The following ABCE1 variants were observed in gnomAD, a reference collection of about 807,000 sequenced individuals.
ABCE1 encodes ATP binding cassette subfamily E member 1, also known as ATP-binding cassette sub-family E member 1.
A neutral mutation model predicts 83.4 loss-of-function variants in ABCE1; 22 were observed. The ratio of observed to expected loss-of-function variants is 0.26; its 90% CI spans 0.19 to 0.38. ABCE1 has a LOEUF of 0.38. Ranked by LOEUF, ABCE1 falls within the 10% of genes least tolerant of loss-of-function variation. ABCE1 has a pLI of 1.00. For missense variants in ABCE1, 330 were observed against 721.9 expected (o/e 0.46, Z 6.22); for synonymous variants, 204 against 233.7 (o/e 0.87, Z 1.16).
intron 4 of ABCE1, 50 bp from the exon 5 acceptor site, chr4:145,109,082 T>A: frequency 7.6e-7 from 1 of 1,321,756 alleles, no homozygotes; most frequent in Non-Finnish European, 1.1e-6. Context: ...TTATGTGGCT[T>A]TTTCTGTGTA....
chr4:145,109,498 C>A (rs148851976), intron 5 of ABCE1, among the ~76,000 whole-genome samples: 3 of 152,212 alleles, frequency 2.0e-5, no homozygotes, highest in Non-Finnish European at 4.4e-5. Flanking sequence ...GTATTACACA[C>A]GTTTCTATTT....
chr4:145,121,148 C>A (rs958632493), intron 11 of ABCE1, 26 bp from the exon 12 acceptor site: 2 of 1,611,072 alleles, frequency 1.2e-6, no homozygotes, highest in South Asian at 1.1e-5. Context: ...TCTTTCAGAT[C>A]AAACTGTCAT....
intron 1 of ABCE1, among the ~76,000 whole-genome samples, chr4:145,103,839 G>A (rs1315805260): frequency 3.4e-5 from 5 of 148,752 alleles, no homozygotes; most frequent in Non-Finnish European, 7.4e-5. Context: ...TCAGCTCACT[G>A]TAACCTCCAC....
chr4:145,129,435 A>T lies in ABCE1; in HGVS notation c.*1862A>T, dbSNP rs1439973892. Reference sequence around the variant, plus strand: ...TAATTGGAAAAAGTCTCAAATACTTAAAAAAACAAAAAACTGGAACAGTTT... The same window carrying T: ...TAATTGGAAAAAGTCTCAAATACTTTAAAAAACAAAAAACTGGAACAGTTT... On this transcript the variant is annotated 3_prime_UTR_variant, in exon 18 of 18. Coordinates refer to ENST00000296577, the MANE Select transcript of ABCE1 (RefSeq NM_002940.3). Among the ~76,000 whole-genome samples the T allele has an allele frequency of 6.6e-6, 1 of 152,138 alleles. No homozygotes were observed. The highest frequency in any genetic ancestry group is 2.4e-5 in the African/African-American group (1 of 41,422).
At position 145,123,311 on chromosome 4, in the gene ABCE1, T is replaced by C. The variant is rs770384756; in HGVS notation, c.1471T>C (p.Tyr491His). 1.2e-6 allele frequency: 2 copies of C among 1,612,060 alleles called. No homozygotes were observed. Among genetic ancestry groups the C allele is most frequent in the Non-Finnish European group, 1.7e-6 (2 of 1,179,414 alleles). Reference protein sequence around the residue: ...DVYLIDEPSAYLDSEQRLMAA... With the variant: ...DVYLIDEPSAHLDSEQRLMAA... ...CTATTTAATTGATGAACCATCTGCA[T>C]ATTTGGATTCTGAGCAAAGACTGAT... The change falls in exon 15 of 18, where the codon TAT (tyrosine) becomes CAT (histidine). Residue 491 changes from tyrosine to histidine, a missense_variant. Tyr to His is a moderately conservative substitution (Grantham distance 83). Transcript: ENST00000296577.
rs1039000677 is a variant in ABCE1, at chr4:145,129,325, A to G, written c.*1752A>G. The G allele has an allele frequency of 1.2e-4, 18 of 152,298 alleles. No homozygotes were observed. Among genetic ancestry groups the G allele is most frequent in the African/African-American group, 4.1e-4 (17 of 41,562 alleles). 9.4% of individuals were successfully genotyped at this position (152,298 alleles called of 1,614,324 possible). On this transcript the variant is annotated 3_prime_UTR_variant, in exon 18 of 18. Transcript: ENST00000296577. ...TTACATAGCAACAGAAAGGCCTACA[A>G]TTGCTAACACAAGAAAAATACTTAT...
chr4:145,115,324 G>A (rs555805051), intron 9 of ABCE1, among the ~76,000 whole-genome samples: 1 of 151,950 alleles, frequency 6.6e-6, no homozygotes, highest in South Asian at 2.1e-4. Context: ...CCCTCACACT[G>A]GCTGTTTAAG....
intron 13 of ABCE1, chr4:145,122,274 A>G (rs904592311): frequency 1.3e-5 from 2 of 152,228 alleles, no homozygotes; most frequent in Non-Finnish European, 2.9e-5. Flanking sequence ...GATGCTCTCT[A>G]TAAGCTTAGC....
chr4:145,110,495 G>T (rs1387088392), intron 7 of ABCE1, 51 bp downstream of exon 7: 3 of 1,567,140 alleles, frequency 1.9e-6, no homozygotes, highest in Non-Finnish European at 2.6e-6. Flanking sequence ...TATTTTTTGA[G>T]ACGGAGTTTC....
At chr4:145,122,693 TC>T (rs1749776347) in intron 13 of ABCE1, 1 of 175,814 alleles carries the variant, frequency 5.7e-6, no homozygotes, top group East Asian at 1.5e-4. Flanking sequence ...TGCCTGTAGT[TC>T]CAGCTCCTCT....
chr4:145,121,129 C>A (rs775543828), intron 11 of ABCE1, 45 bp from the exon 12 acceptor site: 1 of 1,594,092 alleles, frequency 6.3e-7, no homozygotes, highest in African/African-American at 1.3e-5. Flanking sequence ...TTACTTTAAA[C>A]GTCAAGCATC....
At chr4:145,118,942 G>A (rs994155522) in intron 10 of ABCE1, among the ~76,000 whole-genome samples, 18 of 151,878 alleles carry the variant, frequency 1.2e-4, no homozygotes, top group African/African-American at 4.3e-4. Context: ...TCCAAAATAA[G>A]TTAGGTATTT....
intron 11 of ABCE1, chr4:145,120,897 T>C: frequency 2.9e-6 from 1 of 341,654 alleles, no homozygotes; most frequent in Non-Finnish European, 5.3e-6. Context: ...TAAGTAGATC[T>C]TTTCAAACTA....
At chr4:145,101,192 A>G (rs905156255) in intron 1 of ABCE1, among the ~76,000 whole-genome samples, 1 of 152,250 alleles carries the variant, frequency 6.6e-6, no homozygotes, top group Non-Finnish European at 1.5e-5. Context: ...GTGGTAGTGT[A>G]GTTACAAAAG....
chr4:145,101,073 A>T (rs187541679), intron 1 of ABCE1, among the ~76,000 whole-genome samples: 1,843 of 151,908 alleles, frequency 0.012, 23 homozygotes, highest in African/African-American at 0.032. Flanking sequence ...ATATAAAAAA[A>T]ATATATATAT....
At chr4:145,121,650 G>A (rs1749747549) in intron 13 of ABCE1, 1 of 324,686 alleles carries the variant, frequency 3.1e-6, no homozygotes. Flanking sequence ...TAGGCCAGCA[G>A]ATCACGAGGT....
intron 11 of ABCE1, among the ~76,000 whole-genome samples, chr4:145,120,564 C>T (rs903591390): frequency 3.2e-4 from 48 of 152,058 alleles, no homozygotes; most frequent in African/African-American, 1.2e-3. Context: ...GAGCAATCTA[C>T]CTTTGTAAAT....
intron 9 of ABCE1, 119 bp from the exon 10 acceptor site, chr4:145,117,174 G>T (rs1560962628): frequency 1.2e-6 from 1 of 803,558 alleles, no homozygotes; most frequent in East Asian, 2.8e-5. Context: ...ATGTTTTATG[G>T]CTTTTGCTTC....
chr4:145,099,767 T>C (rs1749077023), intron 1 of ABCE1, among the ~76,000 whole-genome samples: 1 of 152,238 alleles, frequency 6.6e-6, no homozygotes, highest in Admixed American at 6.5e-5. Flanking sequence ...AACAGCAGTC[T>C]TTGAAATGCT....
Sources: gnomAD v4.1 joint callset for allele counts (sites outside exome capture counted in the v4.1 genomes callset) on GRCh38, gnomAD v4.1.1 for gene constraint, MANE v1.5 for transcripts, NCBI Gene and HGNC (gene_info 2026-07-23, HGNC 2026-07-21) for gene names.